Variants in PARP8 observed in about 807,000 individuals in gnomAD.
The protein encoded by PARP8 is protein mono-ADP-ribosyltransferase PARP8.
PARP8 carries 51 observed loss-of-function variants against 124.1 expected under a neutral mutation model. The observed-to-expected ratio is 0.41, with a 90% CI of 0.33 to 0.52. The LOEUF (loss-of-function observed/expected upper bound fraction) is 0.52, where lower values mean the gene tolerates loss of function less well. Among genes scored for constraint, PARP8 ranks in the 20% least tolerant of loss-of-function variants. The pLI, the probability that PARP8 is intolerant of heterozygous loss-of-function variation, is 0.21. For missense variants in PARP8, 860 were observed against 1,018.9 expected, an observed-to-expected ratio of 0.84 and a Z score of 2.12; for synonymous variants, 391 against 361.5, an observed-to-expected ratio of 1.08 and a Z score of -0.93.
intron 2 of PARP8, among the ~76,000 whole-genome samples, chr5:50,695,404 T>C (rs935889731): frequency 6.6e-6 from 1 of 152,210 alleles, no homozygotes; most frequent in Non-Finnish European, 1.5e-5. Flanking sequence ...GCCTCCTAAA[T>C]TAATGAACTA....
intron 10 of PARP8, 71 bp downstream of exon 10, chr5:50,788,660 C>A: frequency 7.7e-7 from 1 of 1,297,920 alleles, no homozygotes; most frequent in African/African-American, 2.2e-5. Context: ...TTCATTAAAA[C>A]AAACAAACAA....
chr5:50,722,157 A>T (rs1755956060), intron 2 of PARP8, among the ~76,000 whole-genome samples: 1 of 152,132 alleles, frequency 6.6e-6, no homozygotes, highest in South Asian at 2.1e-4. Flanking sequence ...GAAAGTTTTA[A>T]GGCTTATGGA....
chr5:50,708,304 G>A (rs908304283), intron 2 of PARP8, among the ~76,000 whole-genome samples: 2 of 151,936 alleles, frequency 1.3e-5, no homozygotes, highest in Non-Finnish European at 2.9e-5. Flanking sequence ...CACATCTGTT[G>A]TCATGTGTCA....
chr5:50,834,448 A>C (rs1336652171), intron 24 of PARP8, among the ~76,000 whole-genome samples: 3 of 152,136 alleles, frequency 2.0e-5, no homozygotes, highest in East Asian at 3.9e-4. Flanking sequence ...TCCTGCACTG[A>C]AATTATTATA....
chr5:50,786,361 CTT>C (rs567461590), intron 9 of PARP8, among the ~76,000 whole-genome samples: 1 of 146,064 alleles, frequency 6.8e-6, no homozygotes, highest in South Asian at 2.2e-4. Flanking sequence ...CCTTGAAAAT[CTT>C]TTTTTTTTCT....
intron 10 of PARP8, among the ~76,000 whole-genome samples, chr5:50,791,380 A>C (rs552677977): frequency 6.6e-6 from 1 of 152,292 alleles, no homozygotes; most frequent in East Asian, 1.9e-4. Context: ...CAGCTTGTTC[A>C]CAGTCACACA....
chr5:50,752,628 G>A (rs1413299335), intron 3 of PARP8, among the ~76,000 whole-genome samples: 2 of 151,858 alleles, frequency 1.3e-5, no homozygotes, highest in Non-Finnish European at 2.9e-5. Flanking sequence ...AAATAGTTTA[G>A]CCATTTAAAA....
At chr5:50,690,572 T>C (rs1479315287) in intron 2 of PARP8, among the ~76,000 whole-genome samples, 2 of 152,136 alleles carry the variant, frequency 1.3e-5, no homozygotes, top group Non-Finnish European at 2.9e-5. Context: ...TACCTCTTCC[T>C]TTTTTAGCTG....
intron 15 of PARP8, among the ~76,000 whole-genome samples, chr5:50,816,016 C>T (rs558025278): frequency 2.7e-5 from 4 of 150,626 alleles, no homozygotes; most frequent in African/African-American, 9.7e-5. Context: ...CTTAACCTGA[C>T]TAAACTACTA....
At position 50,746,560 on chromosome 5, in the gene PARP8, A is replaced by G. The variant is rs76427558; in HGVS notation, c.147-3591A>G. Among the ~76,000 whole-genome samples, 441 of 152,304 alleles carry G rather than the reference A, an allele frequency of 2.9e-3. 2 individuals are homozygous for G. Among genetic ancestry groups the G allele is most frequent in the African/African-American group, 0.01 (426 of 41,556 alleles). On this transcript the variant is annotated intron_variant, in intron 2 of 25. Coordinates refer to ENST00000281631, the MANE Select transcript of PARP8 (RefSeq NM_024615.4). Reference sequence around the variant, plus strand: ...TATATTATATAAAAAGTAAAAAAAAATACTACTGTGCTTTAAAATGTTCAA... The same window carrying G: ...TATATTATATAAAAAGTAAAAAAAAGTACTACTGTGCTTTAAAATGTTCAA...
Position 50,795,243 on chromosome 5 carries a change from A to G in PARP8, c.1254A>G (p.Glu418=). 7 of 1,614,180 alleles carry G rather than the reference A, an allele frequency of 4.3e-6. No individual in the cohort carries two copies. Among genetic ancestry groups the G allele is most frequent in the Non-Finnish European group, 5.1e-6 (6 of 1,180,018 alleles). ...CTTACTCTAGTAATCTCAGAATGGA[A>G]GAATTATATGGACTGAAAAATCACA... ...SRSYSSNLRM[E]ELYGLKNHKL... is the part of the protein sequence containing the mutation. The change falls in exon 12 of 26, where the codon GAA becomes GAG. Residue 418 remains glutamate, a synonymous_variant. Transcript: ENST00000281631.
intron 2 of PARP8, among the ~76,000 whole-genome samples, chr5:50,686,303 C>A (rs1751852377): frequency 6.6e-6 from 1 of 152,246 alleles, no homozygotes; most frequent in Non-Finnish European, 1.5e-5. Flanking sequence ...CCAAAATGAT[C>A]TCCTTTGACT....
intron 10 of PARP8, among the ~76,000 whole-genome samples, chr5:50,790,098 A>G (rs983980951): frequency 1.3e-5 from 2 of 152,198 alleles, no homozygotes; most frequent in Non-Finnish European, 2.9e-5. Context: ...ACCACATTTG[A>G]AAGGAAAAAA....
intron 9 of PARP8, 92 bp downstream of exon 9, chr5:50,778,742 C>T (rs2149610960): frequency 1.5e-6 from 1 of 678,534 alleles, no homozygotes; most frequent in Non-Finnish European, 2.3e-6. Flanking sequence ...CAGTTCTGAG[C>T]AAAAGTGCTA....
chr5:50,704,864 G>A (rs1227614707), intron 2 of PARP8, among the ~76,000 whole-genome samples: 3 of 152,184 alleles, frequency 2.0e-5, no homozygotes, highest in African/African-American at 7.2e-5. Flanking sequence ...TGTTCAAAAT[G>A]GTTTTGGAAG....
At chr5:50,700,868 G>A (rs894067311) in intron 2 of PARP8, among the ~76,000 whole-genome samples, 3 of 151,908 alleles carry the variant, frequency 2.0e-5, no homozygotes, top group Non-Finnish European at 4.4e-5. Context: ...TAATCATTAT[G>A]CTCGGTAATC....
chr5:50,699,812 G>A (rs536350176), intron 2 of PARP8, among the ~76,000 whole-genome samples: 35 of 152,146 alleles, frequency 2.3e-4, no homozygotes, highest in South Asian at 4.2e-4. Context: ...CGGGACTATG[G>A]ACCATATTTT....
intron 2 of PARP8, among the ~76,000 whole-genome samples, chr5:50,690,818 T>C (rs1182842772): frequency 6.6e-6 from 1 of 152,180 alleles, no homozygotes; most frequent in Non-Finnish European, 1.5e-5. Context: ...TAAATAATGT[T>C]AAATAGTGGG....
intron 2 of PARP8, among the ~76,000 whole-genome samples, chr5:50,686,481 A>T (rs1751874261): frequency 6.6e-6 from 1 of 152,082 alleles, no homozygotes; most frequent in Admixed American, 6.6e-5. Context: ...CTGTCAGTGG[A>T]TCTACCATTC....
Sources: allele counts gnomAD v4.1 joint callset (sites outside exome capture counted in the v4.1 genomes callset), GRCh38; gene constraint gnomAD v4.1.1; transcripts MANE v1.5; gene names NCBI Gene and HGNC (gene_info 2026-07-23, HGNC 2026-07-21).